TSEN54: variants seen among roughly 807,000 people sequenced by gnomAD.
TSEN54 encodes the protein tRNA-splicing endonuclease subunit Sen54.
TSEN54 carries 55 observed loss-of-function variants against 61.9 expected under a neutral mutation model. That is an observed-to-expected ratio of 0.89 (90% CI 0.72 to 1.11). TSEN54 has a LOEUF of 1.11. TSEN54 is among the 50% of genes most tolerant of loss of function. The pLI is 0.00. For synonymous variants in TSEN54, 304 were observed against 288.7 expected, an observed-to-expected ratio of 1.05 and a Z score of -0.54; for missense variants, 760 against 687.7, an observed-to-expected ratio of 1.11 and a Z score of -1.18.
intron 8 of TSEN54, chr17:75,522,618 G>C: frequency 8.4e-7 from 1 of 1,184,912 alleles, no homozygotes; most frequent in Non-Finnish European, 1.1e-6. Context: ...AACTAGCTGT[G>C]ATCCCAACCT....
intron 4 of TSEN54, 116 bp from the exon 5 acceptor site, chr17:75,517,441 A>C: frequency 1.7e-6 from 2 of 1,208,042 alleles, no homozygotes; most frequent in East Asian, 4.7e-5. Context: ...GGTTGGCCAC[A>C]TTCTTGATGC....
At chr17:75,524,162 T>C in intron 10 of TSEN54, 100 bp from the exon 11 acceptor site, 1 of 1,549,226 alleles carries the variant, frequency 6.5e-7, no homozygotes, top group Non-Finnish European at 8.9e-7. Context: ...GGGTCAGAAT[T>C]CTTGCACCCC....
chr17:75,521,470 G>A lies in TSEN54; in HGVS notation c.583G>A (p.Asp195Asn). 1 of 1,614,136 alleles carries A rather than the reference G, an allele frequency of 6.2e-7. No individual in the cohort carries two copies. The highest frequency in any genetic ancestry group is 8.5e-7 in the Non-Finnish European group (1 of 1,180,022). Residue 195 changes from aspartate (D) to asparagine (N), a missense_variant, in exon 7 of 11, where the codon GAT (aspartate) becomes AAT (asparagine). By Grantham distance (23) the Asp-to-Asn change is conservative. This residue lies in a region of TSEN54 where 667 missense variants were observed against 577.8 expected (regional missense o/e 1.15). Transcript: ENST00000333213. ...GGATGCCAGCGTGCAGCACTTGGAG[G>A]ATGGAGATGGCAAGAGAAAGAGGAG... ...NLDASVQHLE[D>N]GDGKRKRSSS...
intron 5 of TSEN54, chr17:75,518,400 G>A: frequency 2.7e-6 from 1 of 373,482 alleles, no homozygotes; most frequent in Non-Finnish European, 3.7e-6. Flanking sequence ...AACAGACCGA[G>A]GAGTGTCTGG....
In TSEN54 at chr17:75,520,415, C is replaced by CAA. The variant is rs917844314; in HGVS notation, c.522-974_522-973dup. On this transcript the variant is annotated intron_variant, in intron 6 of 10. Transcript: ENST00000333213. ...TGAAACCCTGTCTCTACTAAAATAC[C>CAA]AAAAAAAAAAAAAAAAAAAAATCAG... Among the ~76,000 whole-genome samples the CAA allele has an allele frequency of 8.1e-3, 745 of 91,726 alleles. 8 individuals are homozygous for CAA. The highest frequency in any genetic ancestry group is 0.025 in the African/African-American group (616 of 24,244). The allele number at this position is 91,726 out of a possible 152,430, so 60.2% of individuals were successfully genotyped here.
At chr17:75,520,966 A>G (rs1273121647) in intron 6 of TSEN54, among the ~76,000 whole-genome samples, 2 of 149,522 alleles carry the variant, frequency 1.3e-5, no homozygotes, top group East Asian at 1.9e-4. Context: ...AAAAAAAAAA[A>G]AAAAGAAAAA....
chr17:75,519,063 G>C lies in TSEN54; in HGVS notation c.521+16G>C, dbSNP rs983134865. On this transcript the variant is annotated intron_variant, in intron 6 of 10. Transcript: ENST00000333213. ...TCCAACCAAGGTAAATCCCCTTCCT[G>C]TTCCCCTTCCATATATTCTAGTCCT... is the stretch of plus-strand genomic sequence containing the variant. 1.2e-6 allele frequency: 2 copies of C among 1,613,566 alleles called. No homozygotes were observed. Among genetic ancestry groups the C allele is most frequent in the African/African-American group, 1.3e-5 (1 of 74,764 alleles).
rs1253787546 is a variant in TSEN54, at chr17:75,521,764, C to T, written c.683C>T (p.Ala228Val). The change falls in exon 8 of 11, where the codon GCC becomes GTC. Residue 228 changes from alanine (A) to valine (V), a missense_variant. Transcript: ENST00000333213. ...TCCCTGCAACCCAAGAGTCTGGCAG[C>T]CTCCAGCCCACCTCCCTGCAGCCAG... ...DNSLQPKSLA[A>V]SSPPPCSQPS... The T allele has an allele frequency of 2.5e-6, 4 of 1,612,964 alleles. No individual in the cohort carries two copies. The highest frequency in any genetic ancestry group is 2.7e-5 in the African/African-American group (2 of 75,026).
chr17:75,517,154 C>T lies in TSEN54; in HGVS notation c.286-7C>T, dbSNP rs1177941674. 1.2e-6 allele frequency: 2 copies of T among 1,601,732 alleles called. No homozygotes were observed. Among genetic ancestry groups the T allele is most frequent in the Non-Finnish European group, 8.5e-7 (1 of 1,174,424 alleles). On this transcript the variant is annotated splice_polypyrimidine_tract_variant and splice_region_variant and intron_variant, in intron 3 of 10. Transcript: ENST00000333213. ...CCCTTGTGACACTTGCTCTGGGCCC[C>T]ACACAGGGCAAATTCTGGCAGACCA... is the stretch of plus-strand genomic sequence containing the variant.
chr17:75,521,998 T>C lies in TSEN54; in HGVS notation c.917T>C (p.Met306Thr). 2 of 1,599,774 alleles carry C rather than the reference T, an allele frequency of 1.3e-6. No homozygotes were observed. Among genetic ancestry groups the C allele is most frequent in the Non-Finnish European group, 1.7e-6 (2 of 1,174,454 alleles). Residue 306 changes from methionine to threonine, a missense_variant, in exon 8 of 11, where the codon ATG becomes ACG. This residue lies in a region of TSEN54 where 667 missense variants were observed against 577.8 expected (regional missense o/e 1.15). Transcript: ENST00000333213. ...TTCGAGCAGATCTCCTTCCCCAACA[T>C]GGCTTCAGACAGCCGCCACACCCTT... ...WNFEQISFPN[M>T]ASDSRHTLLR...
rs2053381378 is a variant in TSEN54, at chr17:75,517,217, G to A, written c.342G>A (p.Pro114=). The change falls in exon 4 of 11, where the codon CCG becomes CCA. Residue 114 remains proline, a synonymous_variant. Transcript: ENST00000333213. ...AGCAGGGCCGGCAGCGCCTTCACCC[G>A]GAAGAGGCCTTGTATCTTCTGGAGT... ...FSEQGRQRLH[P]EEALYLLECG... The A allele has an allele frequency of 1.9e-6, 3 of 1,602,136 alleles. No individual in the cohort carries two copies. Among genetic ancestry groups the A allele is most frequent in the Non-Finnish European group, 2.6e-6 (3 of 1,174,618 alleles).
Position 75,517,334 on chromosome 17 carries a change from CT to C in TSEN54, c.369+93del, listed in dbSNP as rs11316466. The C allele has an allele frequency of 0.14, 200,919 of 1,442,424 alleles. 16,110 individuals are homozygous for C. Among genetic ancestry groups the C allele is most frequent in the African/African-American group, 0.34 (23,975 of 70,764 alleles). 89.4% of individuals were successfully genotyped at this position (1,442,424 alleles called of 1,614,324 possible). A position where few individuals can be genotyped will look rare whatever the true frequency, so the allele number is the denominator to read the frequency against. ...GGAGAAAAAGCACACACAACCCGGT[CT>C]TTAGAGAACTGATAACCAAACTTCT... On this transcript the variant is annotated intron_variant, in intron 4 of 10. Coordinates refer to ENST00000333213, the MANE Select transcript of TSEN54 (RefSeq NM_207346.3).
intron 6 of TSEN54, 42 bp from the exon 7 acceptor site, chr17:75,521,367 A>T (rs1203962560): frequency 1.3e-6 from 2 of 1,525,002 alleles, no homozygotes; most frequent in Non-Finnish European, 9.1e-7. Context: ...CCCCAGGCTG[A>T]GGAGGTGGGT....
At chr17:75,519,865 G>A (rs896316051) in intron 6 of TSEN54, among the ~76,000 whole-genome samples, 1 of 152,158 alleles carries the variant, frequency 6.6e-6, no homozygotes, top group Non-Finnish European at 1.5e-5. Context: ...GAGTCACCAC[G>A]CCCAGCTCTA....
intron 10 of TSEN54, 152 bp from the exon 11 acceptor site, chr17:75,524,110 G>A: frequency 1.8e-6 from 2 of 1,103,720 alleles, no homozygotes; most frequent in Middle Eastern, 2.9e-4. Context: ...GTGCTCTGGG[G>A]CGCTCTTCAT....
At chr17:75,519,299 G>A (rs913396434) in intron 6 of TSEN54, among the ~76,000 whole-genome samples, 1 of 152,230 alleles carries the variant, frequency 6.6e-6, no homozygotes, top group African/African-American at 2.4e-5. Flanking sequence ...CTGAGTGTGT[G>A]TGAGCACTGA....
At chr17:75,519,454 T>C (rs2053405816) in intron 6 of TSEN54, among the ~76,000 whole-genome samples, 1 of 152,238 alleles carries the variant, frequency 6.6e-6, no homozygotes, top group African/African-American at 2.4e-5. Context: ...TTTTCCTTCA[T>C]CACCTTAGTA....
chr17:75,518,087 C>T (rs1309143709), intron 5 of TSEN54, among the ~76,000 whole-genome samples: 2 of 152,166 alleles, frequency 1.3e-5, no homozygotes. Flanking sequence ...AAGGTGCTGT[C>T]ATTTTCTGAG....
chr17:75,522,446 A>T, intron 8 of TSEN54, 113 bp downstream of exon 8: 1 of 1,522,472 alleles, frequency 6.6e-7, no homozygotes, highest in Non-Finnish European at 8.8e-7. Flanking sequence ...AAGATGTGGG[A>T]GGAGGGAGTG....
Sources: gnomAD v4.1 joint callset for allele counts (sites outside exome capture counted in the v4.1 genomes callset) on GRCh38, gnomAD v4.1.1 for gene constraint, gnomAD v4.1.1 regional missense constraint, MANE v1.5 for transcripts, NCBI Gene and HGNC (gene_info 2026-07-23, HGNC 2026-07-21) for gene names.